Variants in KLK12 observed in about 807,000 individuals in gnomAD.
KLK12 encodes the protein kallikrein-12.
Under a neutral mutation model 20.0 loss-of-function variants are expected in KLK12, and 23 were observed. The observed-to-expected ratio is 1.15, with a 90% CI of 0.83 to 1.63. The LOEUF is 1.63. Ranked by LOEUF, KLK12 falls within the 40% of genes most tolerant of loss-of-function variation. The probability of loss-of-function intolerance (pLI) is 0.00; values close to 1 mark genes in which losing one functional copy is unlikely to be tolerated. For synonymous variants in KLK12, 147 were observed against 141.9 expected, an observed-to-expected ratio of 1.04 and a Z score of -0.25; for missense variants, 351 against 338.6, an observed-to-expected ratio of 1.04 and a Z score of -0.29.
At chr19:51,033,415 A>G (rs2091579931) in intron 3 of KLK12, among the ~76,000 whole-genome samples, 1 of 152,046 alleles carries the variant, frequency 6.6e-6, no homozygotes, top group Non-Finnish European at 1.5e-5. Flanking sequence ...CAGGAGTTCG[A>G]GACCAGCCTG....
Position 51,032,024 on chromosome 19 carries a change from C to T in KLK12, c.309G>A (p.Thr103=), listed in dbSNP as rs764314353. Residue 103 remains threonine, a synonymous_variant, in exon 4 of 6, where the codon ACG becomes ACA. Transcript: ENST00000684732. ...GCAGCCGGAGGTCGTGCTCGTGGCT[C>T]GTCGAGGCTCCCAGGTAGCCGGGAT... ...VTHPGYLGAS[T]SHEHDLRLLR... The T allele has an allele frequency of 1.9e-6, 3 of 1,609,956 alleles. No individual in the cohort carries two copies. Among genetic ancestry groups the T allele is most frequent in the South Asian group, 1.1e-5 (1 of 90,934 alleles).
At chr19:51,033,748 G>A (rs981918226) in intron 3 of KLK12, 4 of 596,016 alleles carry the variant, frequency 6.7e-6, no homozygotes, top group Admixed American at 5.6e-5. Context: ...AGGAATGGGA[G>A]AGGCAGGAGG....
intron 5 of KLK12, 71 bp from the exon 6 acceptor site, chr19:51,029,528 A>G: frequency 3.0e-6 from 4 of 1,312,458 alleles, no homozygotes; most frequent in Non-Finnish European, 1.1e-6. Context: ...CAACCCTTCA[A>G]CCCAGTCCTG....
At position 51,029,163 on chromosome 19, in the gene KLK12, G is replaced by C. The variant is rs1393503853; in HGVS notation, c.*139C>G. The C allele has an allele frequency of 1.2e-6, 2 of 1,613,936 alleles. No individual in the cohort carries two copies. The highest frequency in any genetic ancestry group is 1.7e-6 in the Non-Finnish European group (2 of 1,179,984). On this transcript the variant is annotated 3_prime_UTR_variant, in exon 6 of 6. Transcript: ENST00000684732. ...CACCCCGCTCGTGGGTCTTAGAAGG[G>C]CTGGCAGGAGTTAAAGTTCCAAGAA... is the stretch of plus-strand genomic sequence containing the variant.
At position 51,031,595 on chromosome 19, in the gene KLK12, C is replaced by CATATATATATATAT. The variant is rs1555789322; in HGVS notation, c.457+267_457+280dup. Among the ~76,000 whole-genome samples, 44 of 120,454 alleles carry CATATATATATATAT rather than the reference C, an allele frequency of 3.7e-4. 1 individual carries two copies. The highest frequency in any genetic ancestry group is 5.7e-4 in the Non-Finnish European group (31 of 54,362). 79.0% of individuals were successfully genotyped at this position (120,454 alleles called of 152,430 possible). ...CCACAATGCCCATATCCTATACATA[C>CATATATATATATAT]ATATATATATATATATGCCTTTTGC... On this transcript the variant is annotated intron_variant, in intron 4 of 5. Transcript: ENST00000684732.
chr19:51,031,401 C>T (rs2091555687), intron 4 of KLK12, among the ~76,000 whole-genome samples: 1 of 151,950 alleles, frequency 6.6e-6, no homozygotes, highest in African/African-American at 2.4e-5. Context: ...GCCCCAGCCT[C>T]CATGACCCCA....
intron 2 of KLK12, 117 bp from the exon 3 acceptor site, chr19:51,034,256 AAG>A: frequency 8.2e-7 from 1 of 1,212,880 alleles, no homozygotes; most frequent in Middle Eastern, 2.2e-4. Flanking sequence ...AGAGACGAGA[AAG>A]AGAGAGAAAG....
At chr19:51,031,122 A>T (rs2091553225) in intron 4 of KLK12, among the ~76,000 whole-genome samples, 1 of 152,072 alleles carries the variant, frequency 6.6e-6, no homozygotes, top group Admixed American at 6.6e-5. Context: ...GGTCTCTTTG[A>T]TCTTTGACAT....
chr19:51,030,782 G>T lies in KLK12; in HGVS notation c.591+6C>A. ...GTGACCACGCACGCTGCCTGCACTG[G>T]CTCACCTGGCAGGCATCCTGCCCCG... On this transcript the variant is annotated splice_donor_region_variant and intron_variant, in intron 5 of 5. Transcript: ENST00000684732. 2 of 1,613,164 alleles carry T rather than the reference G, an allele frequency of 1.2e-6. No homozygotes were observed. The highest frequency in any genetic ancestry group is 2.7e-5 in the African/African-American group (2 of 74,968).
chr19:51,030,321 A>ATTATTAT (rs2091543111), intron 5 of KLK12, among the ~76,000 whole-genome samples: 3 of 11,410 alleles, frequency 2.6e-4, no homozygotes, highest in African/African-American at 1.0e-3. Flanking sequence ...CCTCTCCTCC[A>ATTATTAT]TTATTATTAT....
At position 51,034,029 on chromosome 19, in the gene KLK12, C is replaced by A; in HGVS notation, c.148G>T (p.Val50Phe). The change falls in exon 3 of 6, where the codon GTC becomes TTC. Residue 50 changes from valine to phenylalanine, a missense_variant. Transcript: ENST00000684732. ...AGGACCCACCTGTGGTCAATAAGGA[C>A]ACCCCCGCAGCGCAGGCTGGTGCCC... ...FEGTSLRCGG[V>F]LIDHRWVLTA... 1.2e-6 allele frequency: 2 copies of A among 1,607,504 alleles called. No individual in the cohort carries two copies. Among genetic ancestry groups the A allele is most frequent in the South Asian group, 2.2e-5 (2 of 89,552 alleles).
intron 3 of KLK12, among the ~76,000 whole-genome samples, chr19:51,033,617 A>G (rs2091581881): frequency 6.6e-6 from 1 of 152,220 alleles, no homozygotes; most frequent in African/African-American, 2.4e-5. Context: ...CCCTGTCTCA[A>G]AAAAATAAAA....
chr19:51,029,710 T>TG (rs1383539777), intron 5 of KLK12, among the ~76,000 whole-genome samples: 2 of 152,156 alleles, frequency 1.3e-5, no homozygotes, highest in East Asian at 3.9e-4. Context: ...GGACAATGGC[T>TG]GGGGCCCTGA....
intron 2 of KLK12, 76 bp from the exon 3 acceptor site, chr19:51,034,215 G>C (rs996687139): frequency 3.4e-6 from 5 of 1,457,912 alleles, no homozygotes; most frequent in Non-Finnish European, 4.7e-6. Flanking sequence ...GAGTGAGAGA[G>C]AGAAACAGGC....
At chr19:51,029,789 G>A (rs1349694746) in intron 5 of KLK12, among the ~76,000 whole-genome samples, 1 of 151,984 alleles carries the variant, frequency 6.6e-6, no homozygotes, top group Non-Finnish European at 1.5e-5. Flanking sequence ...AACATAAAGA[G>A]TCGAGCATTC....
At chr19:51,032,275 C>T (rs376621618) in intron 3 of KLK12, 140 bp from the exon 4 acceptor site, 10 of 992,590 alleles carry the variant, frequency 1.0e-5, no homozygotes, top group African/African-American at 1.6e-5. Context: ...TCTCATTCTC[C>T]GAGTCTCTCT....
chr19:51,033,717 T>C (rs2091582837), intron 3 of KLK12, among the ~76,000 whole-genome samples: 1 of 151,954 alleles, frequency 6.6e-6, no homozygotes, highest in South Asian at 2.1e-4. Context: ...AGATGTCATA[T>C]AGGAAAGAAA....
At position 51,030,768 on chromosome 19, in the gene KLK12, C is replaced by A; in HGVS notation, c.591+20G>T. The A allele has an allele frequency of 6.2e-7, 1 of 1,612,816 alleles. No homozygotes were observed. Among genetic ancestry groups the A allele is most frequent in the Non-Finnish European group, 8.5e-7 (1 of 1,179,976 alleles). ...CACTTCCTGTCCTGGTGACCACGCA[C>A]GCTGCCTGCACTGGCTCACCTGGCA... On this transcript the variant is annotated intron_variant, in intron 5 of 5. Coordinates refer to ENST00000684732, the MANE Select transcript of KLK12 (RefSeq NM_001370125.1).
In KLK12 at chr19:51,031,977, CG is replaced by C; in HGVS notation, c.355del (p.Arg119AlafsTer2). 6.2e-7 allele frequency: 1 copy of C among 1,613,148 alleles called. No individual in the cohort carries two copies. Among genetic ancestry groups the C allele is most frequent in the Non-Finnish European group, 8.5e-7 (1 of 1,179,702 alleles). On this transcript the variant is annotated frameshift_variant, in exon 4 of 6. Transcript: ENST00000684732. LOFTEE classifies it high-confidence loss of function. ...CAGGGGTTGAACGCTGCTGGTTACG[CG>C]GACGGGCAGGCGCAGCCGCAGCAGC... Reference protein sequence around the residue: ...LRLLRLRLPVRVTSSVQPLPL... With the variant: ...LRLLRLRLPVXVTSSVQPLPL...
Sources: gnomAD v4.1 joint callset for allele counts (sites outside exome capture counted in the v4.1 genomes callset) on GRCh38, gnomAD v4.1.1 for gene constraint, MANE v1.5 for transcripts, NCBI Gene and HGNC (gene_info 2026-07-23, HGNC 2026-07-21) for gene names.